Variants in HIVEP1 observed in about 807,000 individuals in gnomAD.
HIVEP1 encodes zinc finger protein 40.
HIVEP1 carries 36 observed loss-of-function variants against 180.0 expected under a neutral mutation model. That is an observed-to-expected ratio of 0.20 (90% CI 0.15 to 0.26). The LOEUF (loss-of-function observed/expected upper bound fraction) is 0.26, where lower values mean the gene tolerates loss of function less well. Ranked by LOEUF, HIVEP1 falls within the 10% of genes least tolerant of loss-of-function variation. The probability of loss-of-function intolerance (pLI) is 1.00; values close to 1 mark genes in which losing one functional copy is unlikely to be tolerated. For missense variants in HIVEP1, 3,143 were observed against 3,268.7 expected (o/e 0.96, Z 0.94); for synonymous variants, 1,239 against 1,239.0 (o/e 1.00, Z 0.00).
the HIVEP1 span, among the ~76,000 whole-genome samples, chr6:12,185,710 T>C: frequency 6.6e-6 from 1 of 152,204 alleles, no homozygotes; most frequent in African/African-American, 2.4e-5. Context: ...CCAGTAGTTA[T>C]TAGAGAAATG....
chr6:12,163,235 G>T (rs760089866), intron 8 of HIVEP1, 48 bp from the exon 9 acceptor site: 2 of 1,369,976 alleles, frequency 1.5e-6, no homozygotes, highest in Non-Finnish European at 2.0e-6. Context: ...ATATCTCAGT[G>T]ATTACAAAAG....
At chr6:12,150,922 G>C (rs763793667) in intron 7 of HIVEP1, among the ~76,000 whole-genome samples, 3 of 152,064 alleles carry the variant, frequency 2.0e-5, no homozygotes, top group Non-Finnish European at 4.4e-5. Flanking sequence ...AACAAAAGAA[G>C]GTTGCTACTG....
chr6:12,054,887 T>A (rs192208722), intron 2 of HIVEP1, among the ~76,000 whole-genome samples: 1 of 152,378 alleles, frequency 6.6e-6, no homozygotes, highest in East Asian at 1.9e-4. Flanking sequence ...GAAAAAATTA[T>A]CTACATGTTA....
At chr6:12,054,439 C>A (rs1262181141) in intron 2 of HIVEP1, among the ~76,000 whole-genome samples, 1 of 152,046 alleles carries the variant, frequency 6.6e-6, no homozygotes, top group African/African-American at 2.4e-5. Context: ...TATGCATATA[C>A]CTACATATGT....
chr6:12,158,915 G>A (rs868864660), intron 7 of HIVEP1, among the ~76,000 whole-genome samples: 3 of 152,116 alleles, frequency 2.0e-5, no homozygotes, highest in African/African-American at 4.8e-5. Flanking sequence ...GGAACACAGC[G>A]GACACTTCTT....
intron 2 of HIVEP1, among the ~76,000 whole-genome samples, chr6:12,023,342 A>G (rs550411707): frequency 6.6e-6 from 1 of 152,290 alleles, no homozygotes; most frequent in East Asian, 1.9e-4. Flanking sequence ...AATTTTGATG[A>G]TTTTCAGATG....
chr6:12,086,779 A>C (rs1006199124), intron 2 of HIVEP1, among the ~76,000 whole-genome samples: 1 of 152,092 alleles, frequency 6.6e-6, no homozygotes, highest in Non-Finnish European at 1.5e-5. Context: ...TGCACGTGGG[A>C]TATTAGTTGA....
the HIVEP1 span, among the ~76,000 whole-genome samples, chr6:12,200,608 G>GTAGC: frequency 1.3e-5 from 2 of 152,148 alleles, no homozygotes; most frequent in Non-Finnish European, 2.9e-5. Flanking sequence ...ATTATTGGAG[G>GTAGC]TAGCTCTCTT....
At chr6:12,194,279 G>T in the HIVEP1 span, among the ~76,000 whole-genome samples, 1 of 152,036 alleles carries the variant, frequency 6.6e-6, no homozygotes, top group African/African-American at 2.4e-5. Flanking sequence ...GCCAGCACAG[G>T]TCTAGGGAAT....
Position 12,052,925 on chromosome 6 carries a change from A to G in HIVEP1, c.41-36259A>G, listed in dbSNP as rs1179551345. Among the ~76,000 whole-genome samples the G allele has an allele frequency of 2.0e-5, 3 of 152,190 alleles. No individual in the cohort carries two copies. The East Asian group carries it at 5.8e-4, about 29-fold the overall frequency. On this transcript the variant is annotated intron_variant, in intron 2 of 8. Transcript: ENST00000379388. The stretch of plus-strand genomic sequence containing the variant: ...GGTTAGGAAATGCTATCTTTTGGAG[A>G]CTTGTAGCAAATGCTCAGAAAGTAA...
chr6:12,150,960 C>T (rs189465593), intron 7 of HIVEP1, among the ~76,000 whole-genome samples: 330 of 152,298 alleles, frequency 2.2e-3, no homozygotes, highest in African/African-American at 7.3e-3. Flanking sequence ...TTGCTACCCT[C>T]GGGAGCCCCT....
the HIVEP1 span, among the ~76,000 whole-genome samples, chr6:12,178,798 A>T: frequency 6.6e-6 from 1 of 151,850 alleles, no homozygotes; most frequent in East Asian, 1.9e-4. Flanking sequence ...GAAAAAATTC[A>T]TTGTGTGGTG....
At chr6:12,036,536 G>T (rs1769286437) in intron 2 of HIVEP1, among the ~76,000 whole-genome samples, 1 of 152,110 alleles carries the variant, frequency 6.6e-6, no homozygotes. Flanking sequence ...TAGGCTCCAG[G>T]GATGCACAGC....
Position 12,163,367 on chromosome 6 carries a change from C to A in HIVEP1, c.7063C>A (p.His2355Asn). ...GGGGATGCCTTCTGTGGCCTCACCA[C>A]ATCCTGACCCTCAAGAACAGAAGCA... The part of the protein sequence containing the change: ...AAGMPSVASP[H>N]PDPQEQKQQI... The change falls in exon 9 of 9, where the codon CAT (histidine) becomes AAT (asparagine). Residue 2355 changes from histidine (H) to asparagine (N), a missense_variant. By Grantham distance (68) the His-to-Asn change is moderately conservative (BLOSUM62 1). Around this residue, in one of 12 missense-constraint regions of HIVEP1, gnomAD observed 595 missense variants for 602.2 expected, o/e 0.99. Coordinates refer to ENST00000379388, the MANE Select transcript of HIVEP1 (RefSeq NM_002114.4). 1 of 1,614,206 alleles carries A rather than the reference C, an allele frequency of 6.2e-7. No homozygotes were observed. The highest frequency in any genetic ancestry group is 1.7e-5 in the Admixed American group (1 of 60,024).
At chr6:12,168,666 A>G (rs1487175376), downstream of HIVEP1, among the ~76,000 whole-genome samples, 3 of 151,984 alleles carry the variant, frequency 2.0e-5, no homozygotes, top group Non-Finnish European at 4.4e-5. Flanking sequence ...GATGCTGGGC[A>G]GCAGCAGGAG....
chr6:12,163,284 G>T lies in HIVEP1; in HGVS notation c.6980G>T (p.Ser2327Ile), dbSNP rs778838926. The change falls in exon 9 of 9, where the codon AGC becomes ATC. Residue 2327 changes from serine to isoleucine, a missense_variant and splice_region_variant. Around this residue, in one of 12 missense-constraint regions of HIVEP1, gnomAD observed 595 missense variants for 602.2 expected, o/e 0.99. Coordinates refer to ENST00000379388, the MANE Select transcript of HIVEP1 (RefSeq NM_002114.4). ...GGATTGCTCTCTCTTGTCATTTAGAGCCCATCATCTGTAAGACTTCCTCCT... is the reference window on the plus strand; with the variant it reads ...GGATTGCTCTCTCTTGTCATTTAGATCCCATCATCTGTAAGACTTCCTCCT... ...MAGKAVAITQ[S>I]PSSVRLPPAA... 12 of 1,611,726 alleles carry T rather than the reference G, an allele frequency of 7.4e-6. No homozygotes were observed. The highest frequency in any genetic ancestry group is 1.3e-5 in the African/African-American group (1 of 74,956).
intron 2 of HIVEP1, among the ~76,000 whole-genome samples, chr6:12,019,038 G>T (rs1480730630): frequency 2.6e-5 from 4 of 152,220 alleles, no homozygotes; most frequent in Non-Finnish European, 5.9e-5. Context: ...CGTTTAGGAA[G>T]TTGTTTGACT....
At chr6:12,178,334 A>G in the HIVEP1 span, among the ~76,000 whole-genome samples, 2 of 152,366 alleles carry the variant, frequency 1.3e-5, no homozygotes, top group African/African-American at 4.8e-5. Context: ...CCCACCTATA[A>G]TTCCAACACT....
At chr6:12,073,162 G>T (rs911249193) in intron 2 of HIVEP1, among the ~76,000 whole-genome samples, 13 of 152,106 alleles carry the variant, frequency 8.5e-5, no homozygotes, top group Non-Finnish European at 1.6e-4. Context: ...TTTTAGAGTA[G>T]GTCTGTTGAG....
Sources: allele counts gnomAD v4.1 joint callset (sites outside exome capture counted in the v4.1 genomes callset), GRCh38; gene constraint gnomAD v4.1.1; regional missense constraint gnomAD v4.1.1; transcripts MANE v1.5; gene names NCBI Gene and HGNC (gene_info 2026-07-23, HGNC 2026-07-21).